The following MTUS1 variants were observed in gnomAD, a reference collection of about 807,000 sequenced individuals.
MTUS1 encodes microtubule-associated tumor suppressor 1.
In MTUS1, 109 loss-of-function variants were observed where a neutral mutation model predicts 120.8. The observed-to-expected ratio is 0.90, with a 90% CI of 0.77 to 1.06. The LOEUF is 1.06. Among genes scored for constraint, MTUS1 ranks in the 50% least tolerant of loss-of-function variants. The probability of loss-of-function intolerance (pLI) is 0.00; values close to 1 mark genes in which losing one functional copy is unlikely to be tolerated. For synonymous variants in MTUS1, 737 were observed against 550.5 expected (o/e 1.34, Z -4.74); for missense variants, 2,210 against 1,486.3 (o/e 1.49, Z -8.01).
chr8:17,745,680 C>T (rs2131283902), intron 2 of MTUS1, among the ~76,000 whole-genome samples: 1 of 152,302 alleles, frequency 6.6e-6, no homozygotes, highest in South Asian at 2.1e-4. Flanking sequence ...TCAATCCTTC[C>T]CCTGGGGGCT....
At position 17,733,704 on chromosome 8, in the gene MTUS1, T is replaced by A. The variant is rs116494296; in HGVS notation, c.2288-9871A>T. ...TCTTTGTTGACTGCCAGAAAGCCAA[T>A]CTGTTGTGTCCTAATCACCTGTTGG... On this transcript the variant is annotated intron_variant, in intron 3 of 14. Transcript: ENST00000693296. 6.9e-3 allele frequency among the ~76,000 whole-genome samples: 1,058 copies of A among 152,310 alleles called. 18 individuals are homozygous for A. Among genetic ancestry groups the A allele is most frequent in the African/African-American group, 0.024 (986 of 41,562 alleles).
intron 7 of MTUS1, 27 bp from the exon 8 acceptor site, chr8:17,675,279 C>T (rs376535616): frequency 1.2e-4 from 200 of 1,611,478 alleles, no homozygotes; most frequent in African/African-American, 2.9e-4. Context: ...TCAAGTTACT[C>T]ATGCTTTCAA....
intron 1 of MTUS1, among the ~76,000 whole-genome samples, chr8:17,785,841 C>A (rs970296661): frequency 1.3e-5 from 2 of 152,050 alleles, no homozygotes; most frequent in African/African-American, 4.8e-5. Context: ...CTGAGAGGGC[C>A]GATGGATCAG....
At chr8:17,656,549 C>CA (rs1360004083) in intron 8 of MTUS1, among the ~76,000 whole-genome samples, 2 of 121,978 alleles carry the variant, frequency 1.6e-5, no homozygotes, top group East Asian at 2.8e-4. Context: ...AACAAAACCC[C>CA]CCCCCACCCC....
At chr8:17,708,242 A>C (rs573401353) in intron 6 of MTUS1, among the ~76,000 whole-genome samples, 78 of 152,314 alleles carry the variant, frequency 5.1e-4, no homozygotes, top group African/African-American at 1.7e-3. Context: ...CTATACAAGA[A>C]CTCCTACAAT....
At chr8:17,701,917 T>G (rs1360192393) in intron 6 of MTUS1, among the ~76,000 whole-genome samples, 1 of 152,226 alleles carries the variant, frequency 6.6e-6, no homozygotes, top group Non-Finnish European at 1.5e-5. Flanking sequence ...AAACTTAACA[T>G]AAGCTTAATA....
Position 17,669,189 on chromosome 8 carries a change from C to T in MTUS1, c.2905+5997G>A, listed in dbSNP as rs929806407. ...TGTGTACAGGGTGCTTTGAAAAGCACACTAGAAGGCACAGTTAACTTACTT... is the reference window on the plus strand; with the variant it reads ...TGTGTACAGGGTGCTTTGAAAAGCATACTAGAAGGCACAGTTAACTTACTT... On this transcript the variant is annotated intron_variant, in intron 8 of 14. Coordinates refer to ENST00000693296, the MANE Select transcript of MTUS1 (RefSeq NM_001363059.2). 3.3e-5 allele frequency among the ~76,000 whole-genome samples: 5 copies of T among 152,194 alleles called. No homozygotes were observed. In the East Asian group the frequency reaches 5.8e-4, roughly 18 times the overall value.
chr8:17,688,397 A>C (rs1816273958), intron 6 of MTUS1, among the ~76,000 whole-genome samples: 1 of 152,132 alleles, frequency 6.6e-6, no homozygotes. Flanking sequence ...TTCAACTCCA[A>C]ATCTCAACCT....
chr8:17,672,060 C>T (rs1174191863), intron 8 of MTUS1, among the ~76,000 whole-genome samples: 1 of 152,180 alleles, frequency 6.6e-6, no homozygotes, highest in African/African-American at 2.4e-5. Flanking sequence ...TGACTCCACA[C>T]ACCACACTCT....
chr8:17,766,916 G>A (rs1373389749), intron 1 of MTUS1, among the ~76,000 whole-genome samples: 1 of 151,988 alleles, frequency 6.6e-6, no homozygotes, highest in African/African-American at 2.4e-5. Flanking sequence ...CAGAGTTAAT[G>A]GATGTTAAAA....
intron 6 of MTUS1, among the ~76,000 whole-genome samples, chr8:17,707,103 A>G (rs1820324625): frequency 6.6e-6 from 1 of 152,206 alleles, no homozygotes. Flanking sequence ...GAACATGTTT[A>G]TGTGTGGAGG....
intron 1 of MTUS1, among the ~76,000 whole-genome samples, chr8:17,799,799 G>A (rs1008503761): frequency 6.6e-6 from 1 of 152,036 alleles, no homozygotes; most frequent in Non-Finnish European, 1.5e-5. Context: ...GTGAAAAAAC[G>A]TGGTGCAAGT....
intron 3 of MTUS1, among the ~76,000 whole-genome samples, chr8:17,733,116 C>T (rs1171195855): frequency 1.3e-5 from 2 of 152,090 alleles, no homozygotes; most frequent in African/African-American, 4.8e-5. Flanking sequence ...TTTGGAAGGC[C>T]GAGGTGGGTG....
intron 1 of MTUS1, among the ~76,000 whole-genome samples, chr8:17,782,364 T>C (rs1371479788): frequency 6.6e-6 from 1 of 152,234 alleles, no homozygotes; most frequent in Non-Finnish European, 1.5e-5. Flanking sequence ...CATTTCTAAT[T>C]GGAAAAGGTC....
At chr8:17,743,089 A>G (rs968116306) in intron 3 of MTUS1, among the ~76,000 whole-genome samples, 2 of 151,700 alleles carry the variant, frequency 1.3e-5, no homozygotes, top group South Asian at 2.1e-4. Flanking sequence ...TTGGCCTAAC[A>G]TGACTTTAAA....
intron 1 of MTUS1, among the ~76,000 whole-genome samples, chr8:17,769,280 C>T (rs565717944): frequency 6.0e-5 from 9 of 149,266 alleles, no homozygotes; most frequent in African/African-American, 2.2e-4. Context: ...ACCTCCAAAC[C>T]AGCATGTGGA....
At chr8:17,655,447 T>C (rs1259321209) in intron 9 of MTUS1, among the ~76,000 whole-genome samples, 1 of 152,202 alleles carries the variant, frequency 6.6e-6, no homozygotes, top group South Asian at 2.1e-4. Flanking sequence ...AATACATTCC[T>C]TTGGTCATAA....
At chr8:17,786,630 C>A (rs2051324033) in intron 1 of MTUS1, among the ~76,000 whole-genome samples, 1 of 152,058 alleles carries the variant, frequency 6.6e-6, no homozygotes, top group African/African-American at 2.4e-5. Context: ...ATGTGTGAGG[C>A]AGTTGGGTTA....
intron 4 of MTUS1, chr8:17,723,141 C>G (rs2131107917): frequency 6.2e-6 from 1 of 162,028 alleles, no homozygotes. Context: ...AAATAAGAAC[C>G]AAGTCCAAAT....
Sources: allele counts gnomAD v4.1 joint callset (sites outside exome capture counted in the v4.1 genomes callset), GRCh38; gene constraint gnomAD v4.1.1; transcripts MANE v1.5; gene names NCBI Gene and HGNC (gene_info 2026-07-23, HGNC 2026-07-21).